Variants in ANKHD1 observed in about 807,000 individuals in gnomAD.
The protein encoded by ANKHD1 is ankyrin repeat and KH domain containing 1.
ANKHD1 carries 31 observed loss-of-function variants against 230.5 expected under a neutral mutation model. The ratio of observed to expected loss-of-function variants is 0.13; its 90% CI spans 0.10 to 0.18. ANKHD1 has a LOEUF of 0.18. ANKHD1 is among the 10% of genes least tolerant of loss of function. The probability of loss-of-function intolerance (pLI) is 1.00; values close to 1 mark genes in which losing one functional copy is unlikely to be tolerated. For synonymous variants in ANKHD1, 1,074 were observed against 1,117.6 expected, an observed-to-expected ratio of 0.96 and a Z score of 0.78; for missense variants, 2,256 against 3,071.3, an observed-to-expected ratio of 0.73 and a Z score of 6.27.
rs2127036948 is a variant in ANKHD1 at position 140,496,531 on chromosome 5, C to T, written c.2257C>T (p.Gln753Ter). 2.0e-6 allele frequency: 3 copies of T among 1,525,102 alleles called. No individual in the cohort carries two copies. The highest frequency in any genetic ancestry group is 2.6e-6 in the Non-Finnish European group (3 of 1,136,352). The allele number at this position is 1,525,102 out of a possible 1,614,324, so 94.5% of individuals were successfully genotyped here. A position where few individuals can be genotyped will look rare whatever the true frequency, so the allele number is the denominator to read the frequency against. ...TTTCATGTGCTTAGGTACATCCAAG[C>T]AGAAGTCCAGTTCCCTCCAGGTAGC... ...LLGVQKGTSK[Q>*]KSSSLQVADQ... Residue 753 changes from glutamine (Q) to a stop codon, truncating the protein, a stop_gained, in exon 15 of 34, where the codon CAG becomes TAG. Transcript: ENST00000360839. LOFTEE classifies it high-confidence loss of function.
chr5:140,494,429 A>G (rs1185257710), intron 14 of ANKHD1, among the ~76,000 whole-genome samples: 1 of 152,188 alleles, frequency 6.6e-6, no homozygotes, highest in Non-Finnish European at 1.5e-5. Flanking sequence ...CAACATAGCA[A>G]GATCCCATCT....
In ANKHD1 at chr5:140,419,774, TTTTCTTTCTTTCTTTCTTTCTTTC is replaced by T. The variant is rs199550424; in HGVS notation, c.307-16290_307-16267del. ...TTCTTTTCTCTTCTCTTTCCTTTCT[TTTTCTTTCTTTCTTTCTTTCTTTC>T]TTTCTTTCTTTCTTTCTTTCTTTCT... On this transcript the variant is annotated intron_variant, in intron 1 of 33. Coordinates refer to ENST00000360839, the MANE Select transcript of ANKHD1 (RefSeq NM_017747.3). Among the ~76,000 whole-genome samples the T allele has an allele frequency of 3.2e-3, 281 of 86,926 alleles. 4 individuals are homozygous for T. Among genetic ancestry groups the T allele is most frequent in the African/African-American group, 7.9e-3 (232 of 29,494 alleles). 57.0% of individuals were successfully genotyped at this position (86,926 alleles called of 152,430 possible). A position where few individuals can be genotyped will look rare whatever the true frequency, so the allele number is the denominator to read the frequency against.
At chr5:140,475,967 A>T (rs527872327) in intron 10 of ANKHD1, among the ~76,000 whole-genome samples, 2 of 152,354 alleles carry the variant, frequency 1.3e-5, no homozygotes, top group African/African-American at 2.4e-5. Flanking sequence ...AATCTTGAGA[A>T]TTATGAACAT....
chr5:140,475,445 G>C (rs1163760682), intron 10 of ANKHD1, among the ~76,000 whole-genome samples: 3 of 152,104 alleles, frequency 2.0e-5, no homozygotes, highest in Admixed American at 2.0e-4. Context: ...GCATCTTATT[G>C]CCCTACCTGT....
At position 140,509,561 on chromosome 5, in the gene ANKHD1, T is replaced by C. The variant is rs997360247; in HGVS notation, c.3766-76T>C. ...TTGCCTCAGGTTTTTAAAGAAATTA[T>C]GTAGCTTAGTTTTGGTCTACGGAAT... On this transcript the variant is annotated intron_variant, in intron 20 of 33. Coordinates refer to ENST00000360839, the MANE Select transcript of ANKHD1 (RefSeq NM_017747.3). 2.8e-6 allele frequency: 4 copies of C among 1,408,526 alleles called. No individual in the cohort carries two copies. The African/African-American group carries it at 5.9e-5, about 21-fold the overall frequency. The allele number at this position is 1,408,526 out of a possible 1,614,324, so 87.3% of individuals were successfully genotyped here.
At chr5:140,424,023 G>C (rs1425036953) in intron 1 of ANKHD1, among the ~76,000 whole-genome samples, 1 of 152,054 alleles carries the variant, frequency 6.6e-6, no homozygotes, top group Admixed American at 6.6e-5. Flanking sequence ...AAATTCCTTG[G>C]TATGGCAGAC....
rs1175244124 is a variant in ANKHD1 at position 140,504,718 on chromosome 5, A to G, written c.3005-103A>G. ...TTCCAAAGCTTGTGATTTTACTATT[A>G]CTACATATTACTGCTATGGAAATTT... On this transcript the variant is annotated intron_variant, in intron 15 of 33. Transcript: ENST00000360839. The G allele has an allele frequency of 2.0e-5, 29 of 1,423,382 alleles. No individual in the cohort carries two copies. In the East Asian group the frequency reaches 5.7e-4, roughly 28 times the overall value. The allele number at this position is 1,423,382 out of a possible 1,614,324, so 88.2% of individuals were successfully genotyped here.
At chr5:140,466,873 G>T (rs1776130687) in intron 10 of ANKHD1, among the ~76,000 whole-genome samples, 1 of 151,786 alleles carries the variant, frequency 6.6e-6, no homozygotes, top group Non-Finnish European at 1.5e-5. Context: ...GGCGGAGGTT[G>T]CAGTGAGCTG....
chr5:140,458,668 C>T lies in ANKHD1; in HGVS notation c.1286C>T (p.Ala429Val). ...GCACGTTTGCTTTTGGATAGTGGTG[C>T]TCAAGTGAACATGCCTGCAGATTCA... ...EVARLLLDSG[A>V]QVNMPADSFE... is the part of the protein sequence containing the mutation. Residue 429 changes from alanine (A) to valine (V), a missense_variant, in exon 8 of 34, where the codon GCT becomes GTT. Ala to Val is a moderately conservative substitution (Grantham distance 64). This residue lies in a region of ANKHD1 where 179 missense variants were observed against 261.8 expected (regional missense o/e 0.68). Transcript: ENST00000360839. 6.2e-7 allele frequency: 1 copy of T among 1,610,798 alleles called. No homozygotes were observed. Among genetic ancestry groups the T allele is most frequent in the Non-Finnish European group, 8.5e-7 (1 of 1,178,172 alleles).
At chr5:140,501,099 G>GT (rs772838208) in intron 15 of ANKHD1, among the ~76,000 whole-genome samples, 3,604 of 136,826 alleles carry the variant, frequency 0.026, 121 homozygotes, top group African/African-American at 0.075. Context: ...ATAGGTTTTT[G>GT]TTTTTTTTTT....
At chr5:140,486,676 C>A (rs924944442) in intron 13 of ANKHD1, 2 of 207,010 alleles carry the variant, frequency 9.7e-6, no homozygotes, top group Middle Eastern at 3.7e-3. Flanking sequence ...GTGACTTGTA[C>A]CCCTAGCTAC....
chr5:140,407,490 G>A (rs1770563827), intron 1 of ANKHD1, among the ~76,000 whole-genome samples: 1 of 150,538 alleles, frequency 6.6e-6, no homozygotes, highest in Non-Finnish European at 1.5e-5. Context: ...CTGCAACCTC[G>A]AATTCCTGGG....
At chr5:140,483,712 C>T (rs1751389192) in intron 11 of ANKHD1, among the ~76,000 whole-genome samples, 1 of 152,126 alleles carries the variant, frequency 6.6e-6, no homozygotes, top group Non-Finnish European at 1.5e-5. Flanking sequence ...CCCGCCTCGG[C>T]CTCCCAAAGT....
intron 10 of ANKHD1, among the ~76,000 whole-genome samples, chr5:140,478,115 T>C (rs553306762): frequency 1.4e-4 from 21 of 151,882 alleles, no homozygotes; most frequent in Non-Finnish European, 2.5e-4. Context: ...AAGAAGAAAA[T>C]AATAAAAGCA....
chr5:140,539,232 A>C, intron 33 of ANKHD1, 127 bp from the exon 34 acceptor site: 2 of 1,540,934 alleles, frequency 1.3e-6, no homozygotes, highest in Non-Finnish European at 1.7e-6. Flanking sequence ...GCTACTGAAC[A>C]CTTTATTTAA....
chr5:140,513,021 T>A, intron 23 of ANKHD1, 98 bp downstream of exon 23: 6 of 1,202,912 alleles, frequency 5.0e-6, no homozygotes, highest in Non-Finnish European at 7.0e-6. Flanking sequence ...TTCTGAAAGG[T>A]TGGTCACCTG....
rs547597986 is a variant in ANKHD1 at position 140,417,030 on chromosome 5, C to T, written c.306+14757C>T. Reference sequence around the variant, plus strand: ...ATCTGGACAAAATATTAAAAAGCATCTATGATGGAGAGGCTGCCAGACTCA... The same window carrying T: ...ATCTGGACAAAATATTAAAAAGCATTTATGATGGAGAGGCTGCCAGACTCA... On this transcript the variant is annotated intron_variant, in intron 1 of 33. Transcript: ENST00000360839. Among the ~76,000 whole-genome samples the T allele has an allele frequency of 2.2e-4, 34 of 152,156 alleles. 1 individual carries two copies. In the South Asian group the frequency reaches 7.0e-3, roughly 32 times the overall value.
At chr5:140,410,645 A>G (rs1469983842) in intron 1 of ANKHD1, among the ~76,000 whole-genome samples, 1 of 152,132 alleles carries the variant, frequency 6.6e-6, no homozygotes, top group African/African-American at 2.4e-5. Flanking sequence ...GTTTCAATGT[A>G]TCTGTCTTCA....
chr5:140,505,306 A>G (rs1473688331), intron 17 of ANKHD1, 73 bp downstream of exon 17: 7 of 1,485,898 alleles, frequency 4.7e-6, no homozygotes, highest in Admixed American at 1.9e-5. Flanking sequence ...TTATTGATAA[A>G]TAGTTCCTAG....
Sources: allele counts gnomAD v4.1 joint callset (sites outside exome capture counted in the v4.1 genomes callset), GRCh38; gene constraint gnomAD v4.1.1; regional missense constraint gnomAD v4.1.1; transcripts MANE v1.5; gene names NCBI Gene and HGNC (gene_info 2026-07-23, HGNC 2026-07-21).